ADH7: variants seen among roughly 807,000 people sequenced by gnomAD.
ADH7 encodes the protein all-trans-retinol dehydrogenase [NAD(+)] ADH7.
A neutral mutation model predicts 34.4 loss-of-function variants in ADH7; 41 were observed. The ratio of observed to expected loss-of-function variants is 1.19; its 90% confidence interval spans 0.93 to 1.55. The LOEUF is 1.55. ADH7 is among the 40% of genes most tolerant of loss of function. The probability of loss-of-function intolerance (pLI) is 0.00; values close to 1 mark genes in which losing one functional copy is unlikely to be tolerated. For synonymous variants in ADH7, 180 were observed against 160.9 expected, an observed-to-expected ratio of 1.12 and a Z score of -0.90; for missense variants, 540 against 461.2, an observed-to-expected ratio of 1.17 and a Z score of -1.56.
chr4:99,422,115 A>G (rs936957360), intron 5 of ADH7, among the ~76,000 whole-genome samples: 1 of 152,150 alleles, frequency 6.6e-6, no homozygotes, highest in Non-Finnish European at 1.5e-5. Flanking sequence ...AGGATCTAGA[A>G]CCAGAAATAT....
At position 99,420,674 on chromosome 4, in the gene ADH7, T is replaced by C. The variant is rs765337883; in HGVS notation, c.684A>G (p.Lys228=). ...CACCTACAGCCATGGCCTTCTCAAA[T>C]TTGTCTTTGTTGAGGTCAATCCCAA... ...RIIGIDLNKD[K]FEKAMAVGAT... Residue 228 remains lysine, a synonymous_variant, in exon 6 of 9, where the codon AAA becomes AAG. Coordinates refer to ENST00000437033, the MANE Select transcript of ADH7 (RefSeq NM_000673.7). The C allele has an allele frequency of 2.8e-5, 45 of 1,613,774 alleles. No homozygotes were observed. Among genetic ancestry groups the C allele is most frequent in the Non-Finnish European group, 3.8e-5 (45 of 1,179,906 alleles).
intron 8 of ADH7, 150 bp from the exon 9 acceptor site, chr4:99,413,322 T>C: frequency 1.3e-6 from 1 of 797,448 alleles, no homozygotes; most frequent in Non-Finnish European, 2.0e-6. Flanking sequence ...TAACAATTAG[T>C]TTTCTTTGTT....
At chr4:99,426,679 A>G (rs1721812902) in intron 5 of ADH7, among the ~76,000 whole-genome samples, 2 of 152,208 alleles carry the variant, frequency 1.3e-5, no homozygotes, top group African/African-American at 2.4e-5. Context: ...CAATCAATAG[A>G]AAAAGAGGGA....
chr4:99,415,681 T>C lies in ADH7; in HGVS notation c.962-65A>G, dbSNP rs1376022956. On this transcript the variant is annotated intron_variant, in intron 7 of 8. Transcript: ENST00000437033. ...ATAATCCTTATCTTTTATTATGTTA[T>C]ATTTATTCCTTCTCTTTCCTGCACT... is the stretch of plus-strand genomic sequence containing the variant. The C allele has an allele frequency of 4.7e-6, 7 of 1,498,484 alleles. No homozygotes were observed. The East Asian group carries it at 1.4e-4, about 29-fold the overall frequency. The allele number at this position is 1,498,484 out of a possible 1,614,324, so 92.8% of individuals were successfully genotyped here.
At chr4:99,434,740 G>C (rs910776346) in intron 1 of ADH7, among the ~76,000 whole-genome samples, 2 of 152,012 alleles carry the variant, frequency 1.3e-5, no homozygotes, top group African/African-American at 4.8e-5. Context: ...TAAAATTCAT[G>C]ACACTTTCTT....
rs954235454 is a variant in ADH7, at chr4:99,413,179, T to C, written c.1101-7A>G. 1 of 1,613,268 alleles carries C rather than the reference T, an allele frequency of 6.2e-7. No individual in the cohort carries two copies. Among genetic ancestry groups the C allele is most frequent in the Non-Finnish European group, 8.5e-7 (1 of 1,179,460 alleles). ...CGTCAGGACCGTTCGAATGCTGAAA[T>C]GTAAAATGAGAGTTTTTAATGACTT... On this transcript the variant is annotated splice_polypyrimidine_tract_variant and splice_region_variant and intron_variant, in intron 8 of 8. Coordinates refer to ENST00000437033, the MANE Select transcript of ADH7 (RefSeq NM_000673.7).
At chr4:99,422,862 C>G (rs1036408931) in intron 5 of ADH7, among the ~76,000 whole-genome samples, 1 of 138,218 alleles carries the variant, frequency 7.2e-6, no homozygotes, top group Non-Finnish European at 1.5e-5. Flanking sequence ...TAAAATAGAT[C>G]TATTTTATTT....
At chr4:99,426,334 G>T (rs1416397998) in intron 5 of ADH7, among the ~76,000 whole-genome samples, 1 of 152,180 alleles carries the variant, frequency 6.6e-6, no homozygotes. Context: ...AAGAAAAAAA[G>T]AGAGGAGAAT....
Position 99,435,293 on chromosome 4 carries a change from G to A in ADH7, c.-60C>T. ...ATAGACTTTTTCTGACTGATGCTCA[G>A]TTCACTCTGTTGTATATAACAGCAG... On this transcript the variant is annotated 5_prime_UTR_variant, in exon 1 of 9. Coordinates refer to ENST00000437033, the MANE Select transcript of ADH7 (RefSeq NM_000673.7). The A allele has an allele frequency of 2.5e-6, 4 of 1,610,028 alleles. No homozygotes were observed. The highest frequency in any genetic ancestry group is 3.4e-6 in the Non-Finnish European group (4 of 1,177,804).
At chr4:99,429,264 T>A (rs1301632827) in intron 2 of ADH7, among the ~76,000 whole-genome samples, 1 of 152,204 alleles carries the variant, frequency 6.6e-6, no homozygotes, top group Non-Finnish European at 1.5e-5. Flanking sequence ...TTAACCATTT[T>A]AAATTAGACA....
At chr4:99,428,432 C>T in intron 3 of ADH7, 60 bp downstream of exon 3, 1 of 1,562,616 alleles carries the variant, frequency 6.4e-7, no homozygotes, top group Non-Finnish European at 8.7e-7. Context: ...GTGCTATTTC[C>T]TTTGATAGGC....
intron 5 of ADH7, among the ~76,000 whole-genome samples, chr4:99,426,520 A>T (rs1721808844): frequency 6.6e-6 from 1 of 152,206 alleles, no homozygotes; most frequent in South Asian, 2.1e-4. Context: ...GAAGAAGTTG[A>T]ATCTCTGAAT....
chr4:99,429,748 T>C (rs150571309), intron 1 of ADH7, 115 bp from the exon 2 acceptor site: 19 of 729,530 alleles, frequency 2.6e-5, no homozygotes, highest in Non-Finnish European at 3.9e-5. Context: ...TTTTCCAGAA[T>C]GATTTTCATC....
At chr4:99,428,775 G>A in intron 2 of ADH7, 145 bp from the exon 3 acceptor site, 1 of 1,070,472 alleles carries the variant, frequency 9.3e-7, no homozygotes, top group Non-Finnish European at 1.3e-6. Flanking sequence ...ACTATTCTGA[G>A]CCAAAAATCA....
intron 5 of ADH7, among the ~76,000 whole-genome samples, chr4:99,425,344 A>G (rs1007630715): frequency 1.4e-4 from 21 of 152,284 alleles, no homozygotes; most frequent in African/African-American, 5.1e-4. Context: ...ACATAGGCTC[A>G]AAATAAAAGG....
In ADH7 at chr4:99,427,773, C is replaced by A. The variant is rs770098103; in HGVS notation, c.564G>T (p.Lys188Asn). The A allele has an allele frequency of 2.6e-6, 4 of 1,523,316 alleles. No individual in the cohort carries two copies. The South Asian group carries it at 5.4e-5, about 21-fold the overall frequency. The allele number at this position is 1,523,316 out of a possible 1,614,324, so 94.4% of individuals were successfully genotyped here. Residue 188 changes from lysine to asparagine, a missense_variant and splice_region_variant, in exon 5 of 9, where the codon AAG (lysine) becomes AAT (asparagine). By Grantham distance (94) the Lys-to-Asn change is moderately conservative. Transcript: ENST00000437033. ...TAAACTAGCCTACCCTGTTTCTTAC[C>A]TTGCCAGTTTTAACAGCAGCGCCAT... is the stretch of plus-strand genomic sequence containing the variant. ...TGYGAAVKTG[K>N]VKPGSTCVVF...
At chr4:99,419,724 A>G (rs1372486835) in intron 6 of ADH7, among the ~76,000 whole-genome samples, 18 of 152,230 alleles carry the variant, frequency 1.2e-4, no homozygotes, top group Admixed American at 1.2e-3. Context: ...TATATCCAGT[A>G]TCACATATGG....
chr4:99,432,316 G>A (rs1349224853), intron 1 of ADH7, among the ~76,000 whole-genome samples: 7 of 152,212 alleles, frequency 4.6e-5, no homozygotes, highest in Admixed American at 3.9e-4. Flanking sequence ...GCCCATTTGA[G>A]GGTGGAAGGT....
At chr4:99,413,304 A>G in intron 8 of ADH7, 132 bp from the exon 9 acceptor site, 1 of 943,490 alleles carries the variant, frequency 1.1e-6, no homozygotes, top group Non-Finnish European at 1.6e-6. Flanking sequence ...CTCTGGGCTC[A>G]AAGTCCTTAA....
Sources: gnomAD v4.1 joint callset for allele counts (sites outside exome capture counted in the v4.1 genomes callset) on GRCh38, gnomAD v4.1.1 for gene constraint, MANE v1.5 for transcripts, NCBI Gene and HGNC (gene_info 2026-07-23, HGNC 2026-07-21) for gene names.